Variants in ADAM19 observed in about 807,000 individuals in gnomAD.
ADAM19 encodes the protein disintegrin and metalloproteinase domain-containing protein 19.
A neutral mutation model predicts 114.7 loss-of-function variants in ADAM19; 65 were observed. The ratio of observed to expected loss-of-function variants is 0.57; its 90% CI spans 0.46 to 0.70. The LOEUF (loss-of-function observed/expected upper bound fraction) is 0.70, where lower values mean the gene tolerates loss of function less well. ADAM19 is among the 30% of genes least tolerant of loss of function. The pLI is 0.00. For missense variants in ADAM19, 1,063 were observed against 1,204.7 expected, an observed-to-expected ratio of 0.88 and a Z score of 1.74; for synonymous variants, 466 against 460.5, an observed-to-expected ratio of 1.01 and a Z score of -0.15.
intron 1 of ADAM19, among the ~76,000 whole-genome samples, chr5:157,574,589 C>T (rs1213755047): frequency 6.6e-6 from 1 of 152,198 alleles, no homozygotes; most frequent in Admixed American, 6.5e-5. Flanking sequence ...AAAACGCTGA[C>T]TGTTGGTCCC....
intron 3 of ADAM19, among the ~76,000 whole-genome samples, chr5:157,550,902 T>A (rs1757177021): frequency 6.6e-6 from 1 of 152,186 alleles, no homozygotes; most frequent in South Asian, 2.1e-4. Flanking sequence ...ACCATCATTC[T>A]CTCTACTCTG....
Position 157,519,877 on chromosome 5 carries a change from G to C in ADAM19, c.562C>G (p.Leu188Val). ...HSKPTTRDWA[L>V]QFTQQTKKRP... ...TTCTTGGTCTGTTGTGTAAACTGAA[G>C]AGCCCAGTCCCTGGTGGTGGGCTTG... Residue 188 changes from leucine to valine, a missense_variant, in exon 6 of 23, where the codon CTT becomes GTT. Physicochemically the swap from Leu to Val is conservative, Grantham distance 32 (BLOSUM62 1). Around this residue, in one of 3 missense-constraint regions of ADAM19, gnomAD observed 615 missense variants for 706.3 expected, o/e 0.87. Coordinates refer to ENST00000257527, the MANE Select transcript of ADAM19 (RefSeq NM_033274.5). 1 of 1,614,042 alleles carries C rather than the reference G, an allele frequency of 6.2e-7. No individual in the cohort carries two copies. The highest frequency in any genetic ancestry group is 8.5e-7 in the Non-Finnish European group (1 of 1,179,968).
At chr5:157,546,979 G>T (rs368033795) in intron 3 of ADAM19, among the ~76,000 whole-genome samples, 2 of 152,212 alleles carry the variant, frequency 1.3e-5, no homozygotes, top group African/African-American at 4.8e-5. Context: ...ATGGGCAGAG[G>T]TCTCACCAGT....
intron 3 of ADAM19, among the ~76,000 whole-genome samples, chr5:157,540,622 C>T (rs1056340319): frequency 6.6e-6 from 1 of 152,152 alleles, no homozygotes; most frequent in Non-Finnish European, 1.5e-5. Context: ...CTCCCCGGCC[C>T]CCAGCACCTA....
rs757103387 is a variant in ADAM19 at position 157,491,704 on chromosome 5, T to C, written c.2006A>G (p.Asn669Ser). The C allele has an allele frequency of 6.3e-7, 1 of 1,589,924 alleles. No homozygotes were observed. Among genetic ancestry groups the C allele is most frequent in the African/African-American group, 1.3e-5 (1 of 74,474 alleles). The part of the protein sequence containing the change: ...NGHGVCNNNQ[N>S]CHCLPGWAPP... ...GGCCCAGCCCGGCAGGCAGTGGCAG[T>C]TCTGGTTGTTGTTACAGACCTGGAG... The change falls in exon 18 of 23, where the codon AAC becomes AGC. Residue 669 changes from asparagine (N) to serine (S), a missense_variant. By Grantham distance (46) the Asn-to-Ser change is conservative (BLOSUM62 1). Coordinates refer to ENST00000257527, the MANE Select transcript of ADAM19 (RefSeq NM_033274.5).
chr5:157,515,554 T>G (rs1350835083), intron 7 of ADAM19, among the ~76,000 whole-genome samples: 1 of 152,206 alleles, frequency 6.6e-6, no homozygotes, highest in African/African-American at 2.4e-5. Context: ...TACAGAAGCC[T>G]GGATAATACA....
chr5:157,479,655 G>C lies in ADAM19; in HGVS notation c.*1294C>G, dbSNP rs557290475. 6.1e-6 allele frequency: 6 copies of C among 986,030 alleles called. No individual in the cohort carries two copies. Among genetic ancestry groups the C allele is most frequent in the African/African-American group, 3.5e-5 (2 of 57,366 alleles). 61.1% of individuals were successfully genotyped at this position (986,030 alleles called of 1,614,324 possible). On this transcript the variant is annotated 3_prime_UTR_variant, in exon 23 of 23. Transcript: ENST00000257527. ...GTCAGGTAAGGGCAGTGACCAGAGA[G>C]AGAACAAAAGGAAGTGAATGACAAA...
intron 14 of ADAM19, 127 bp downstream of exon 14, chr5:157,496,767 G>C (rs1755378248): frequency 2.6e-6 from 2 of 762,840 alleles, no homozygotes; most frequent in Non-Finnish European, 4.0e-6. Context: ...CCTGAGTCAA[G>C]GGGATGAAAG....
At position 157,479,554 on chromosome 5, in the gene ADAM19, C is replaced by T. The variant is rs952632627; in HGVS notation, c.*1395G>A. The T allele has an allele frequency of 3.9e-5, 38 of 985,700 alleles. No homozygotes were observed. Among genetic ancestry groups the T allele is most frequent in the Non-Finnish European group, 1.6e-5 (13 of 829,972 alleles). The allele number at this position is 985,700 out of a possible 1,614,324, so 61.1% of individuals were successfully genotyped here. On this transcript the variant is annotated 3_prime_UTR_variant, in exon 23 of 23. Coordinates refer to ENST00000257527, the MANE Select transcript of ADAM19 (RefSeq NM_033274.5). ...TCCTATCTAGCAAAGCACCACACGG[C>T]CCTCCTTCCCTGCTGCAGGGAAGAC...
chr5:157,532,934 C>T (rs1479739508), intron 4 of ADAM19, among the ~76,000 whole-genome samples: 1 of 152,182 alleles, frequency 6.6e-6, no homozygotes, highest in Non-Finnish European at 1.5e-5. Flanking sequence ...GTGAGAATAT[C>T]GTACATAAAG....
rs1297449402 is a variant in ADAM19, at chr5:157,480,032, T to A, written c.*917A>T. 2.0e-6 allele frequency: 2 copies of A among 985,814 alleles called. No homozygotes were observed. The highest frequency in any genetic ancestry group is 3.5e-5 in the African/African-American group (2 of 57,216). The allele number at this position is 985,814 out of a possible 1,614,324, so 61.1% of individuals were successfully genotyped here. A position where few individuals can be genotyped will look rare whatever the true frequency, so the allele number is the denominator to read the frequency against. ...CAGTGAGGGAAATCCAGTGGCCGAC[T>A]GTGAGAGAGGACTCTGACTTGTAGG... On this transcript the variant is annotated 3_prime_UTR_variant, in exon 23 of 23. Transcript: ENST00000257527.
chr5:157,522,523 C>T (rs1756329544), intron 5 of ADAM19, among the ~76,000 whole-genome samples: 1 of 152,224 alleles, frequency 6.6e-6, no homozygotes, highest in African/African-American at 2.4e-5. Context: ...CTGTGGCTCA[C>T]ACCTGTAATC....
At chr5:157,526,524 A>G (rs755541521) in intron 5 of ADAM19, among the ~76,000 whole-genome samples, 1 of 152,192 alleles carries the variant, frequency 6.6e-6, no homozygotes. Flanking sequence ...ACCTTAACCC[A>G]GTATAGATAT....
At chr5:157,490,718 C>T (rs1381587534) in intron 18 of ADAM19, among the ~76,000 whole-genome samples, 1 of 151,960 alleles carries the variant, frequency 6.6e-6, no homozygotes, top group African/African-American at 2.4e-5. Flanking sequence ...ATGGTGAAAC[C>T]TCGTCTCTAC....
intron 2 of ADAM19, among the ~76,000 whole-genome samples, chr5:157,564,650 A>G (rs1757604207): frequency 6.6e-6 from 1 of 152,216 alleles, no homozygotes. Flanking sequence ...TGAAAGGCAT[A>G]GAGAAGAAAC....
At chr5:157,520,522 G>T (rs917101934) in intron 5 of ADAM19, among the ~76,000 whole-genome samples, 1 of 152,206 alleles carries the variant, frequency 6.6e-6, no homozygotes, top group Non-Finnish European at 1.5e-5. Flanking sequence ...ACAGTGGCCT[G>T]CAAGTGAGGT....
Position 157,530,843 on chromosome 5 carries a change from A to G in ADAM19, c.371T>C (p.Leu124Pro). 1 of 1,614,166 alleles carries G rather than the reference A, an allele frequency of 6.2e-7. No homozygotes were observed. ...FYHGTVRETE[L>P]SSVTLSTCRG... is the part of the protein sequence containing the mutation. ...GCAAGTGCTGAGCGTGACGCTGGAC[A>G]GTTCTGTCTCCCTCACCGTGCCGTG... The change falls in exon 5 of 23, where the codon CTG becomes CCG. Residue 124 changes from leucine (L) to proline (P), a missense_variant. Around this residue, in one of 3 missense-constraint regions of ADAM19, gnomAD observed 615 missense variants for 706.3 expected, o/e 0.87. Coordinates refer to ENST00000257527, the MANE Select transcript of ADAM19 (RefSeq NM_033274.5).
intron 5 of ADAM19, among the ~76,000 whole-genome samples, chr5:157,528,259 G>C (rs1053396372): frequency 6.6e-6 from 1 of 152,180 alleles, no homozygotes; most frequent in Non-Finnish European, 1.5e-5. Context: ...TAAGGCAGGT[G>C]GACCTCACCA....
intron 3 of ADAM19, among the ~76,000 whole-genome samples, chr5:157,544,959 A>G (rs937832604): frequency 6.6e-6 from 1 of 152,128 alleles, no homozygotes; most frequent in Admixed American, 6.5e-5. Flanking sequence ...GAAGAGAAGG[A>G]CCCTCTGAGA....
Sources: gnomAD v4.1 joint callset for allele counts (sites outside exome capture counted in the v4.1 genomes callset) on GRCh38, gnomAD v4.1.1 for gene constraint, gnomAD v4.1.1 regional missense constraint, MANE v1.5 for transcripts, NCBI Gene and HGNC (gene_info 2026-07-23, HGNC 2026-07-21) for gene names.